TEX36: variants seen among roughly 807,000 people sequenced by gnomAD.
The protein encoded by TEX36 is testis expressed 36, also known as testis-expressed protein 36.
TEX36 carries 12 observed loss-of-function variants against 13.6 expected under a neutral mutation model. The observed-to-expected ratio is 0.88, with a 90% CI of 0.56 to 1.43. The LOEUF is 1.43. TEX36 is among the 40% of genes most tolerant of loss of function. The pLI, the probability that TEX36 is intolerant of heterozygous loss-of-function variation, is 0.00. For synonymous variants in TEX36, 93 were observed against 83.0 expected, an observed-to-expected ratio of 1.12 and a Z score of -0.65; for missense variants, 224 against 228.3, an observed-to-expected ratio of 0.98 and a Z score of 0.12.
chr10:125,585,496 C>G (rs1845934306), intron 3 of TEX36, among the ~76,000 whole-genome samples: 1 of 152,144 alleles, frequency 6.6e-6, no homozygotes, highest in Non-Finnish European at 1.5e-5. Flanking sequence ...ATCCTCTCCC[C>G]CAAGGTGGAT....
chr10:125,680,505 G>A (rs1019649114), intron 1 of TEX36, among the ~76,000 whole-genome samples: 3 of 152,082 alleles, frequency 2.0e-5, no homozygotes, highest in South Asian at 2.1e-4. Flanking sequence ...TTTTTGCTTC[G>A]TTCAGTCACT....
chr10:125,614,658 A>G (rs999775544), intron 3 of TEX36, among the ~76,000 whole-genome samples: 8 of 151,882 alleles, frequency 5.3e-5, no homozygotes, highest in African/African-American at 1.9e-4. Flanking sequence ...TTTTGGTACC[A>G]GTACCATGCT....
chr10:125,617,150 T>C (rs1846371103), downstream of TEX36, among the ~76,000 whole-genome samples: 1 of 151,894 alleles, frequency 6.6e-6, no homozygotes, highest in Non-Finnish European at 1.5e-5. Context: ...TAGATCTTCC[T>C]CCATCCTTTT....
intron 1 of TEX36, 51 bp from the exon 2 acceptor site, chr10:125,662,028 A>C (rs941104483): frequency 5.8e-6 from 9 of 1,550,886 alleles, no homozygotes; most frequent in Non-Finnish European, 7.9e-6. Context: ...TTGAATCTAC[A>C]AGCCAAGTAT....
intron 3 of TEX36, among the ~76,000 whole-genome samples, chr10:125,608,980 A>G (rs1258794783): frequency 7.0e-6 from 1 of 142,702 alleles, no homozygotes; most frequent in Non-Finnish European, 1.5e-5. Flanking sequence ...ACTAAAAAAA[A>G]AAAAAAAAAA....
At chr10:125,593,715 C>T (rs1442378775) in intron 3 of TEX36, among the ~76,000 whole-genome samples, 1 of 152,102 alleles carries the variant, frequency 6.6e-6, no homozygotes, top group African/African-American at 2.4e-5. Context: ...TAGGCAAATT[C>T]ATACAGACAG....
At chr10:125,661,431 A>C (rs968113330) in intron 2 of TEX36, among the ~76,000 whole-genome samples, 1 of 152,092 alleles carries the variant, frequency 6.6e-6, no homozygotes, top group Non-Finnish European at 1.5e-5. Flanking sequence ...GTGTAGACCA[A>C]CTCTGTCATC....
intron 3 of TEX36, among the ~76,000 whole-genome samples, chr10:125,613,294 T>C (rs1187532177): frequency 6.9e-6 from 1 of 145,226 alleles, no homozygotes; most frequent in African/African-American, 2.6e-5. Context: ...TTTATTATTA[T>C]TATACTTTAA....
chr10:125,673,971 T>A (rs947573400), intron 1 of TEX36, among the ~76,000 whole-genome samples: 1 of 152,136 alleles, frequency 6.6e-6, no homozygotes, highest in Non-Finnish European at 1.5e-5. Context: ...TTGACCTGTC[T>A]TTTTAGGTTG....
intron 3 of TEX36, among the ~76,000 whole-genome samples, chr10:125,581,403 C>A (rs746485404): frequency 2.1e-4 from 32 of 152,160 alleles, no homozygotes; most frequent in Non-Finnish European, 4.3e-4. Flanking sequence ...TCCTCCCAGG[C>A]GCATCCTCCT....
At chr10:125,576,917 GC>G (rs1434320337) in intron 3 of TEX36, 1 of 1,535,026 alleles carries the variant, frequency 6.5e-7, no homozygotes, top group African/African-American at 1.4e-5. Context: ...GTAGTTGTGT[GC>G]TTAAATCCTT....
chr10:125,620,646 A>G (rs1476868109), downstream of TEX36, among the ~76,000 whole-genome samples: 2 of 152,270 alleles, frequency 1.3e-5, no homozygotes, highest in Non-Finnish European at 2.9e-5. Context: ...CACATAAGAT[A>G]AAATGTGTCA....
At chr10:125,656,244 T>G in intron 3 of TEX36, 48 bp from the exon 4 acceptor site, 1 of 762,352 alleles carries the variant, frequency 1.3e-6, no homozygotes, top group Middle Eastern at 3.5e-4. Flanking sequence ...CAAGTTCACA[T>G]AGTTCTTTTT....
At chr10:125,667,928 A>G (rs1847150438) in intron 1 of TEX36, 4 of 1,190,332 alleles carry the variant, frequency 3.4e-6, no homozygotes, top group Non-Finnish European at 5.0e-6. Context: ...CTCCAGGGTC[A>G]ATGCTGGATA....
chr10:125,597,742 T>C (rs1846098435), intron 3 of TEX36, among the ~76,000 whole-genome samples: 1 of 152,300 alleles, frequency 6.6e-6, no homozygotes, highest in African/African-American at 2.4e-5. Context: ...GAAGAAAGAA[T>C]GGCAGTCAGG....
intron 3 of TEX36, among the ~76,000 whole-genome samples, chr10:125,604,256 T>G (rs926252676): frequency 8.5e-5 from 13 of 152,186 alleles, no homozygotes; most frequent in African/African-American, 3.1e-4. Flanking sequence ...TGACAGCCCC[T>G]CCCCATCACT....
At chr10:125,664,801 T>C (rs1450027395) in intron 1 of TEX36, among the ~76,000 whole-genome samples, 1 of 152,210 alleles carries the variant, frequency 6.6e-6, no homozygotes, top group Non-Finnish European at 1.5e-5. Context: ...AACAGACTAA[T>C]ACAGTGGCTG....
chr10:125,633,624 T>C (rs1051350993), intron 3 of TEX36, among the ~76,000 whole-genome samples: 1 of 152,194 alleles, frequency 6.6e-6, no homozygotes, highest in Non-Finnish European at 1.5e-5. Flanking sequence ...GCAAACACCA[T>C]GTACCTCGTA....
chr10:125,622,146 A>G (rs11817676), intron 3 of TEX36, among the ~76,000 whole-genome samples: 9,379 of 152,204 alleles, frequency 0.062, 926 homozygotes, highest in African/African-American at 0.21. Context: ...ATGTCCTGAA[A>G]TCATACTTAA....
Sources: gnomAD v4.1 joint callset for allele counts (sites outside exome capture counted in the v4.1 genomes callset) on GRCh38, gnomAD v4.1.1 for gene constraint, MANE v1.5 for transcripts, NCBI Gene and HGNC (gene_info 2026-07-23, HGNC 2026-07-21) for gene names.